The following GON4L variants were observed in gnomAD, a reference collection of about 807,000 sequenced individuals.
GON4L encodes the protein GON-4-like protein.
Under a neutral mutation model 211.8 loss-of-function variants are expected in GON4L, and 87 were observed. That is an observed-to-expected ratio of 0.41 (90% CI 0.35 to 0.49). The LOEUF is 0.49. Among genes scored for constraint, GON4L ranks in the 20% least tolerant of loss-of-function variants. The pLI is 0.15. For missense variants in GON4L, 2,155 were observed against 2,659.5 expected (o/e 0.81, Z 4.17); for synonymous variants, 875 against 962.6 (o/e 0.91, Z 1.68).
chr1:155,833,073 C>T (rs961384107), intron 2 of GON4L: 6 of 151,536 alleles, frequency 4.0e-5, no homozygotes, highest in African/African-American at 1.5e-4. Flanking sequence ...GTAGTATAAT[C>T]AATTTTCAGT....
At chr1:155,820,064 C>T (rs994560741) in intron 6 of GON4L, among the ~76,000 whole-genome samples, 1 of 152,122 alleles carries the variant, frequency 6.6e-6, no homozygotes, top group Non-Finnish European at 1.5e-5. Flanking sequence ...TAGGCGCACA[C>T]CACCACACCC....
chr1:155,770,626 A>G (rs1663096873), intron 19 of GON4L, among the ~76,000 whole-genome samples: 1 of 152,212 alleles, frequency 6.6e-6, no homozygotes, highest in Admixed American at 6.5e-5. Flanking sequence ...AGGCGGGTGG[A>G]TCACTTGAGG....
chr1:155,815,277 C>T (rs751659094), intron 8 of GON4L, among the ~76,000 whole-genome samples: 2 of 151,976 alleles, frequency 1.3e-5, no homozygotes, highest in Non-Finnish European at 2.9e-5. Context: ...TAGCTAAAAC[C>T]AATAGTATAA....
chr1:155,859,424 A>G (rs1290632020), upstream of GON4L: 1 of 212,862 alleles, frequency 4.7e-6, no homozygotes, highest in Non-Finnish European at 9.7e-6. Flanking sequence ...GCGAGGGCTG[A>G]CTTCCGTAAT....
At chr1:155,754,903 C>CTTTTT (rs112004109) in intron 27 of GON4L, among the ~76,000 whole-genome samples, 1 of 104,556 alleles carries the variant, frequency 9.6e-6, no homozygotes, top group Non-Finnish European at 2.0e-5. Flanking sequence ...TCTCCCCATG[C>CTTTTT]TTTTTTTTTT....
At position 155,763,334 on chromosome 1, in the gene GON4L, C is replaced by T; in HGVS notation, c.4704G>A (p.Val1568=). The change falls in exon 22 of 32, where the codon GTG becomes GTA. Residue 1568 remains valine (V), a synonymous_variant. Coordinates refer to ENST00000368331, the MANE Select transcript of GON4L (RefSeq NM_001282860.2). ...CACCTGGTGGAGTTCTGCTGGTCTC[C>T]ACTTCTGGAGCAGTCTCAGGTGAAG... ...TFASPETAPE[V]ETSRTPPGES... 6.2e-7 allele frequency: 1 copy of T among 1,613,924 alleles called. No homozygotes were observed.
chr1:155,788,398 T>TTA (rs1314402693), intron 12 of GON4L, among the ~76,000 whole-genome samples: 3 of 152,214 alleles, frequency 2.0e-5, no homozygotes, highest in Non-Finnish European at 4.4e-5. Flanking sequence ...TGGCAATTTC[T>TTA]TATAAAACTA....
At chr1:155,848,460 G>C (rs1671458149) in intron 2 of GON4L, among the ~76,000 whole-genome samples, 1 of 152,112 alleles carries the variant, frequency 6.6e-6, no homozygotes, top group Admixed American at 6.5e-5. Context: ...AGGTCTTAAG[G>C]GGAAAGCTTC....
chr1:155,800,147 T>C (rs1571788548), intron 11 of GON4L, among the ~76,000 whole-genome samples: 1 of 148,724 alleles, frequency 6.7e-6, no homozygotes, highest in East Asian at 2.0e-4. Flanking sequence ...TGCGGTGAGC[T>C]GAGATCGTGC....
At chr1:155,749,613 G>A, downstream of GON4L, 1 of 1,415,408 alleles carries the variant, frequency 7.1e-7, no homozygotes, top group South Asian at 1.3e-5. Context: ...GGTTCTGGAT[G>A]GTTCCCCCAA....
chr1:155,790,459 C>G (rs753273867), intron 12 of GON4L, among the ~76,000 whole-genome samples: 1 of 150,212 alleles, frequency 6.7e-6, no homozygotes, highest in Non-Finnish European at 1.5e-5. Flanking sequence ...CCCAGCCGAT[C>G]TCAAACTCCT....
intron 18 of GON4L, among the ~76,000 whole-genome samples, chr1:155,772,423 A>G (rs1025015350): frequency 1.3e-5 from 2 of 152,078 alleles, no homozygotes; most frequent in Non-Finnish European, 2.9e-5. Context: ...ATATGTGCTG[A>G]TAACAGTGTG....
At chr1:155,806,271 G>A (rs1167089497) in intron 10 of GON4L, among the ~76,000 whole-genome samples, 1 of 151,548 alleles carries the variant, frequency 6.6e-6, no homozygotes, top group Non-Finnish European at 1.5e-5. Context: ...TCCTGCCTCA[G>A]CCTCCCAAAT....
downstream of GON4L, chr1:155,748,843 TC>T: frequency 6.6e-7 from 1 of 1,522,180 alleles, no homozygotes; most frequent in Non-Finnish European, 9.0e-7. Context: ...CATGTCCTTT[TC>T]CCCCTAATTT....
chr1:155,816,381 G>A, intron 6 of GON4L, 119 bp from the exon 7 acceptor site: 3 of 629,926 alleles, frequency 4.8e-6, no homozygotes, highest in Non-Finnish European at 5.9e-6. Flanking sequence ...CAGTGATCTA[G>A]AGGTGTTGAT....
chr1:155,757,339 G>C lies in GON4L; in HGVS notation c.5254-16C>G. 1.2e-6 allele frequency: 2 copies of C among 1,611,852 alleles called. No individual in the cohort carries two copies. The highest frequency in any genetic ancestry group is 4.5e-5 in the East Asian group (2 of 44,866). On this transcript the variant is annotated splice_polypyrimidine_tract_variant and intron_variant, in intron 25 of 31. Transcript: ENST00000368331. ...GTGTCTTGAGCTGAGGAGAGTCACA[G>C]AGGGAAAGAGGAAGTCTCCAGAGCC...
intron 14 of GON4L, among the ~76,000 whole-genome samples, chr1:155,779,444 G>A (rs1019395928): frequency 2.0e-5 from 3 of 150,638 alleles, no homozygotes; most frequent in Non-Finnish European, 3.0e-5. Flanking sequence ...AGCCTCCTGA[G>A]TAGCTGGGAC....
At chr1:155,798,576 A>AT (rs34273258) in intron 11 of GON4L, among the ~76,000 whole-genome samples, 2,951 of 89,520 alleles carry the variant, frequency 0.033, 255 homozygotes, top group African/African-American at 0.13. Flanking sequence ...CGTCAGGCTA[A>AT]TTTTTTTTTT....
intron 14 of GON4L, among the ~76,000 whole-genome samples, chr1:155,780,486 G>A (rs1027836824): frequency 3.9e-5 from 6 of 152,034 alleles, no homozygotes; most frequent in African/African-American, 1.4e-4. Context: ...CCAGCTACTT[G>A]GGAGGCTGAG....
Sources: gnomAD v4.1 joint callset for allele counts (sites outside exome capture counted in the v4.1 genomes callset) on GRCh38, gnomAD v4.1.1 for gene constraint, MANE v1.5 for transcripts, NCBI Gene and HGNC (gene_info 2026-07-23, HGNC 2026-07-21) for gene names.